Variants in MARCHF6 observed in about 807,000 individuals in gnomAD.
The protein encoded by MARCHF6 is E3 ubiquitin-protein ligase MARCHF6.
In MARCHF6, 31 loss-of-function variants were observed where a neutral mutation model predicts 133.7. The observed-to-expected ratio is 0.23, with a 90% CI of 0.17 to 0.31. The LOEUF is 0.31. Ranked by LOEUF, MARCHF6 falls within the 10% of genes least tolerant of loss-of-function variation. MARCHF6 has a pLI of 1.00. For synonymous variants in MARCHF6, 395 were observed against 402.5 expected (o/e 0.98, Z 0.22); for missense variants, 723 against 1,121.6 (o/e 0.64, Z 5.08).
In MARCHF6 at chr5:10,439,509, A is replaced by G. The variant is rs542897049; in HGVS notation, c.*5825A>G. On this transcript the variant is annotated 3_prime_UTR_variant, in exon 26 of 26. Coordinates refer to ENST00000274140, the MANE Select transcript of MARCHF6 (RefSeq NM_005885.4). Reference sequence around the variant, plus strand: ...TAAGGAGAACAAAAAGACAAGCTGTAGAGTGGCAGAAAAATATTTGCAAAA... The same window carrying G: ...TAAGGAGAACAAAAAGACAAGCTGTGGAGTGGCAGAAAAATATTTGCAAAA... 1 of 152,368 alleles carries G rather than the reference A, an allele frequency of 6.6e-6. No homozygotes were observed. Among genetic ancestry groups the G allele is most frequent in the East Asian group, 1.9e-4 (1 of 5,186 alleles). The allele number at this position is 152,368 out of a possible 1,614,324, so 9.4% of individuals were successfully genotyped here.
rs1229900405 is a variant in MARCHF6 at position 10,426,495 on chromosome 5, A to G, written c.2479A>G (p.Ile827Val). ...LLLSLCVPYV[I>V]ASGVVPLLGV... ...GCTTTCCCTGTGTGTACCTTATGTC[A>G]TAGCTTCTGGTGTTGTTCCTTTACT... The change falls in exon 24 of 26, where the codon ATA becomes GTA. Residue 827 changes from isoleucine (I) to valine (V), a missense_variant. This residue lies in a region of MARCHF6 where 492 missense variants were observed against 699.5 expected (regional missense o/e 0.70). Transcript: ENST00000274140. 6.2e-7 allele frequency: 1 copy of G among 1,613,950 alleles called. No homozygotes were observed. Among genetic ancestry groups the G allele is most frequent in the African/African-American group, 1.3e-5 (1 of 74,900 alleles).
chr5:10,383,926 G>A (rs1362768301), intron 4 of MARCHF6, among the ~76,000 whole-genome samples: 1 of 152,176 alleles, frequency 6.6e-6, no homozygotes, highest in Non-Finnish European at 1.5e-5. Flanking sequence ...TGTTCTAGAT[G>A]TAGGTAGAAA....
chr5:10,368,602 G>A (rs1736276575), intron 1 of MARCHF6, among the ~76,000 whole-genome samples: 1 of 152,144 alleles, frequency 6.6e-6, no homozygotes, highest in Admixed American at 6.5e-5. Context: ...TTGAGATAGA[G>A]TCTTGCTCCG....
intron 4 of MARCHF6, among the ~76,000 whole-genome samples, chr5:10,382,818 CT>C (rs749870187): frequency 8.3e-4 from 126 of 152,234 alleles, no homozygotes; most frequent in Non-Finnish European, 1.4e-3. Flanking sequence ...CGGAGTGAGA[CT>C]TTGCCTCAAT....
At chr5:10,357,772 C>T (rs1365707505) in intron 1 of MARCHF6, among the ~76,000 whole-genome samples, 3 of 152,130 alleles carry the variant, frequency 2.0e-5, no homozygotes, top group South Asian at 2.1e-4. Flanking sequence ...GAGCCAGGCA[C>T]TATTCTATGC....
rs768978693 is a variant in MARCHF6, at chr5:10,381,951, T to TTCA, written c.334+10_334+12dup. The TTCA allele has an allele frequency of 3.7e-6, 6 of 1,610,742 alleles. No homozygotes were observed. The highest frequency in any genetic ancestry group is 5.1e-6 in the Non-Finnish European group (6 of 1,178,152). ...TTGTTCCTCTTACAGCATGTGAGTA[T>TTCA]TCATGCCTCTGATTGGAGTTATTTA... On this transcript the variant is annotated intron_variant, in intron 4 of 25. Transcript: ENST00000274140.
intron 24 of MARCHF6, 83 bp downstream of exon 24, chr5:10,426,605 C>A: frequency 2.1e-6 from 3 of 1,405,742 alleles, no homozygotes; most frequent in Non-Finnish European, 2.0e-6. Flanking sequence ...AAAAGGATGT[C>A]TCACTCCATA....
intron 1 of MARCHF6, among the ~76,000 whole-genome samples, chr5:10,359,267 T>G (rs144148708): frequency 7.4e-4 from 113 of 152,286 alleles, no homozygotes; most frequent in Non-Finnish European, 1.5e-3. Context: ...TGCCATAGAT[T>G]GAGGTTTGTA....
At chr5:10,430,626 C>G (rs551877054) in intron 25 of MARCHF6, among the ~76,000 whole-genome samples, 2 of 152,186 alleles carry the variant, frequency 1.3e-5, no homozygotes, top group African/African-American at 4.8e-5. Context: ...AATGTCCATT[C>G]CAAATAGTTT....
intron 1 of MARCHF6, among the ~76,000 whole-genome samples, chr5:10,368,178 A>G (rs1029262455): frequency 1.3e-5 from 2 of 152,310 alleles, no homozygotes; most frequent in East Asian, 1.9e-4. Context: ...GAACTAGTAT[A>G]CAAAACAGGC....
chr5:10,396,991 C>G (rs1338679995), intron 9 of MARCHF6, among the ~76,000 whole-genome samples: 2 of 152,120 alleles, frequency 1.3e-5, no homozygotes. Context: ...TAAATGAAAT[C>G]TGGTGGTTAT....
intron 22 of MARCHF6, among the ~76,000 whole-genome samples, chr5:10,421,588 G>T (rs1205135737): frequency 1.3e-5 from 2 of 152,230 alleles, no homozygotes; most frequent in Non-Finnish European, 2.9e-5. Flanking sequence ...AGCTAGTGTG[G>T]TGTGTCCTGT....
chr5:10,380,964 A>G (rs1022896485), intron 3 of MARCHF6, among the ~76,000 whole-genome samples: 1 of 149,874 alleles, frequency 6.7e-6, no homozygotes, highest in Non-Finnish European at 1.5e-5. Flanking sequence ...TCAGTTGTTT[A>G]TTTCTCAATG....
At chr5:10,419,328 G>A (rs1332784278) in intron 22 of MARCHF6, among the ~76,000 whole-genome samples, 1 of 152,022 alleles carries the variant, frequency 6.6e-6, no homozygotes, top group African/African-American at 2.4e-5. Flanking sequence ...TATACTACAA[G>A]GCAAAAAATA....
intron 14 of MARCHF6, 95 bp from the exon 15 acceptor site, chr5:10,403,312 A>G (rs991601658): frequency 2.5e-6 from 3 of 1,207,186 alleles, no homozygotes; most frequent in East Asian, 2.4e-5. Context: ...TGTTCCTTGC[A>G]TGCATATTGA....
In MARCHF6 at chr5:10,410,070, C is replaced by T. The variant is rs1190832434; in HGVS notation, c.1554-69C>T. 1.4e-5 allele frequency: 21 copies of T among 1,465,332 alleles called. No homozygotes were observed. In the East Asian group the frequency reaches 2.8e-4, roughly 19 times the overall value. 90.8% of individuals were successfully genotyped at this position (1,465,332 alleles called of 1,614,324 possible). A position where few individuals can be genotyped will look rare whatever the true frequency, so the allele number is the denominator to read the frequency against. Reference sequence around the variant, plus strand: ...AGTTTATTAGATTCTTAAGAAGTTGCGTTGTAATCCCATTAAATAGTAGTC... The same window carrying T: ...AGTTTATTAGATTCTTAAGAAGTTGTGTTGTAATCCCATTAAATAGTAGTC... On this transcript the variant is annotated intron_variant, in intron 17 of 25. Coordinates refer to ENST00000274140, the MANE Select transcript of MARCHF6 (RefSeq NM_005885.4).
Position 10,439,169 on chromosome 5 carries a change from T to G in MARCHF6, c.*5485T>G, listed in dbSNP as rs781417900. 2.6e-5 allele frequency: 4 copies of G among 152,184 alleles called. No homozygotes were observed. Among genetic ancestry groups the G allele is most frequent in the Non-Finnish European group, 4.4e-5 (3 of 68,038 alleles). The allele number at this position is 152,184 out of a possible 1,614,324, so 9.4% of individuals were successfully genotyped here. A position where few individuals can be genotyped will look rare whatever the true frequency, so the allele number is the denominator to read the frequency against. ...AATGGAACAGAATAGAGTCCAGAAA[T>G]AACCCAACATGTATGTGGACAACTG... On this transcript the variant is annotated 3_prime_UTR_variant, in exon 26 of 26. Transcript: ENST00000274140.
At chr5:10,424,315 C>T (rs756453250) in intron 23 of MARCHF6, among the ~76,000 whole-genome samples, 3 of 152,114 alleles carry the variant, frequency 2.0e-5, no homozygotes, top group Admixed American at 6.5e-5. Flanking sequence ...TCCTCTGGTG[C>T]CATCTAGAGG....
rs970210761 is a variant in MARCHF6 at position 10,439,773 on chromosome 5, A to G, written c.*6089A>G. 2.0e-5 allele frequency: 3 copies of G among 152,444 alleles called. No homozygotes were observed. The highest frequency in any genetic ancestry group is 4.4e-5 in the Non-Finnish European group (3 of 68,170). The allele number at this position is 152,444 out of a possible 1,614,324, so 9.4% of individuals were successfully genotyped here. A position where few individuals can be genotyped will look rare whatever the true frequency, so the allele number is the denominator to read the frequency against. On this transcript the variant is annotated 3_prime_UTR_variant, in exon 26 of 26. Transcript: ENST00000274140. ...ACCATGGCACTCAAAAGTCCACAAT[A>G]GCCTTCAATGCTGGGCAAAACATGA...
Sources: gnomAD v4.1 joint callset for allele counts (sites outside exome capture counted in the v4.1 genomes callset) on GRCh38, gnomAD v4.1.1 for gene constraint, gnomAD v4.1.1 regional missense constraint, MANE v1.5 for transcripts, NCBI Gene and HGNC (gene_info 2026-07-23, HGNC 2026-07-21) for gene names.